The following PTPRD variants were observed in gnomAD, a reference collection of about 807,000 sequenced individuals.
The protein encoded by PTPRD is receptor-type tyrosine-protein phosphatase delta.
PTPRD carries 34 observed loss-of-function variants against 214.5 expected under a neutral mutation model. That is an observed-to-expected ratio of 0.16 (90% CI 0.12 to 0.21). PTPRD has a LOEUF of 0.21. Among genes scored for constraint, PTPRD ranks in the 10% least tolerant of loss-of-function variants. The pLI is 1.00. For synonymous variants in PTPRD, 1,128 were observed against 845.7 expected (o/e 1.33, Z -5.79); for missense variants, 2,545 against 2,398.7 (o/e 1.06, Z -1.27).
intron 11 of PTPRD, among the ~76,000 whole-genome samples, chr9:8,776,345 C>G (rs73427015): frequency 0.055 from 8,394 of 152,184 alleles, 494 homozygotes; most frequent in African/African-American, 0.15. Flanking sequence ...TCACATCGCC[C>G]AGGCTGGAGT....
intron 11 of PTPRD, among the ~76,000 whole-genome samples, chr9:8,771,862 C>T (rs771292488): frequency 3.3e-4 from 50 of 151,500 alleles, no homozygotes; most frequent in Non-Finnish European, 5.2e-4. Context: ...TTACTAACAT[C>T]ATCTTATAAA....
intron 9 of PTPRD, among the ~76,000 whole-genome samples, chr9:9,353,025 A>G (rs2052086323): frequency 1.3e-5 from 2 of 151,912 alleles, no homozygotes; most frequent in Non-Finnish European, 1.5e-5. Context: ...TAAAATTTGA[A>G]TTAATTCTTC....
At chr9:9,006,614 T>C (rs984134956) in intron 11 of PTPRD, among the ~76,000 whole-genome samples, 9 of 152,044 alleles carry the variant, frequency 5.9e-5, no homozygotes, top group Non-Finnish European at 1.3e-4. Flanking sequence ...TACTGTGAAA[T>C]TGGGAAATGA....
At chr9:9,318,897 A>G (rs1432153814) in intron 9 of PTPRD, among the ~76,000 whole-genome samples, 1 of 152,144 alleles carries the variant, frequency 6.6e-6, no homozygotes, top group African/African-American at 2.4e-5. Context: ...AGGCTTCTAG[A>G]TTCATGCATT....
At chr9:9,275,174 A>ATATATGTTATATATATATAT (rs1491381199) in intron 9 of PTPRD, among the ~76,000 whole-genome samples, 2 of 28,954 alleles carry the variant, frequency 6.9e-5, no homozygotes, top group African/African-American at 3.3e-4. Context: ...ACATATATAT[A>ATATATGTTATATATATATAT]ATATATATGT....
intron 11 of PTPRD, among the ~76,000 whole-genome samples, chr9:8,830,590 T>C (rs1401100080): frequency 6.6e-6 from 1 of 152,086 alleles, no homozygotes; most frequent in Non-Finnish European, 1.5e-5. Context: ...CAAAACTCCT[T>C]CAACTCCCCC....
intron 7 of PTPRD, among the ~76,000 whole-genome samples, chr9:9,722,606 G>A (rs934733571): frequency 2.6e-5 from 4 of 151,904 alleles, no homozygotes; most frequent in African/African-American, 4.8e-5. Context: ...TCCAAGTCAC[G>A]TAGTAATGCT....
intron 5 of PTPRD, among the ~76,000 whole-genome samples, chr9:9,822,139 G>A (rs2050972132): frequency 6.6e-6 from 1 of 151,050 alleles, no homozygotes; most frequent in Non-Finnish European, 1.5e-5. Context: ...TAGGCTGGAT[G>A]TGGTGGCTCA....
chr9:8,331,154 G>T (rs1840313003), intron 44 of PTPRD, among the ~76,000 whole-genome samples: 1 of 148,448 alleles, frequency 6.7e-6, no homozygotes, highest in Non-Finnish European at 1.5e-5. Flanking sequence ...AGCACTTATT[G>T]ACTGGCAGAA....
At chr9:9,650,837 C>G (rs1381671844) in intron 7 of PTPRD, among the ~76,000 whole-genome samples, 1 of 151,676 alleles carries the variant, frequency 6.6e-6, no homozygotes, top group Non-Finnish European at 1.5e-5. Context: ...AATTTGTACA[C>G]CTATTTATCA....
At chr9:10,485,414 G>A (rs936206130) in intron 2 of PTPRD, among the ~76,000 whole-genome samples, 1 of 151,982 alleles carries the variant, frequency 6.6e-6, no homozygotes, top group African/African-American at 2.4e-5. Flanking sequence ...TTGGCATTTT[G>A]ACAGGAATTG....
At chr9:9,095,625 G>C (rs1356846925) in intron 10 of PTPRD, among the ~76,000 whole-genome samples, 4 of 152,092 alleles carry the variant, frequency 2.6e-5, no homozygotes, top group African/African-American at 9.7e-5. Context: ...ACCACACCTG[G>C]TTTGGACAGT....
chr9:8,679,165 G>A (rs1245275914), intron 12 of PTPRD, among the ~76,000 whole-genome samples: 6 of 152,100 alleles, frequency 3.9e-5, no homozygotes, highest in Non-Finnish European at 8.8e-5. Flanking sequence ...GAAACTAGTC[G>A]CTTCCTACTG....
rs547174209 is a variant in PTPRD at position 8,942,826 on chromosome 9, G to C, written c.-104+75871C>G. ...ACAATTTTTTAAAAAAAATTTCTTT[G>C]CAGAAGAAGCCAAATTATCCTTGTT... On this transcript the variant is annotated intron_variant, in intron 11 of 45. Coordinates refer to ENST00000381196, the MANE Select transcript of PTPRD (RefSeq NM_002839.4). Among the ~76,000 whole-genome samples, 112 of 151,884 alleles carry C rather than the reference G, an allele frequency of 7.4e-4. 2 individuals carry two copies. The highest frequency in any genetic ancestry group is 1.2e-3 in the Admixed American group (18 of 15,242).
At chr9:9,787,783 T>TATA (rs960324737) in intron 5 of PTPRD, among the ~76,000 whole-genome samples, 8 of 151,206 alleles carry the variant, frequency 5.3e-5, no homozygotes, top group African/African-American at 1.9e-4. Context: ...TTATTATTAT[T>TATA]ATTATTATTA....
At chr9:8,629,017 A>T (rs750007058) in intron 14 of PTPRD, among the ~76,000 whole-genome samples, 21 of 151,730 alleles carry the variant, frequency 1.4e-4, no homozygotes, top group Non-Finnish European at 2.2e-4. Context: ...GCTATTTGAG[A>T]ACAGCCCAGT....
chr9:8,545,559 G>C (rs2079842980), intron 14 of PTPRD, among the ~76,000 whole-genome samples: 1 of 152,198 alleles, frequency 6.6e-6, no homozygotes, highest in Non-Finnish European at 1.5e-5. Context: ...TCATCACAGT[G>C]ATTTTCAGAA....
intron 5 of PTPRD, among the ~76,000 whole-genome samples, chr9:9,837,692 G>A (rs56406216): frequency 6.6e-6 from 1 of 151,956 alleles, no homozygotes; most frequent in African/African-American, 2.4e-5. Flanking sequence ...TAATAACAGT[G>A]GTAGCATCCT....
At chr9:9,611,666 C>A (rs2094521678) in intron 7 of PTPRD, among the ~76,000 whole-genome samples, 1 of 151,916 alleles carries the variant, frequency 6.6e-6, no homozygotes, top group Admixed American at 6.6e-5. Flanking sequence ...CGTGTGTATC[C>A]ATTGTACAAT....
Sources: gnomAD v4.1 joint callset for allele counts (sites outside exome capture counted in the v4.1 genomes callset) on GRCh38, gnomAD v4.1.1 for gene constraint, MANE v1.5 for transcripts, NCBI Gene and HGNC (gene_info 2026-07-23, HGNC 2026-07-21) for gene names.